Variants in TREML1 observed in about 807,000 individuals in gnomAD.
TREML1 encodes trem-like transcript 1 protein.
In TREML1, 27 loss-of-function variants were observed where a neutral mutation model predicts 22.8. The observed-to-expected ratio is 1.19, with a 90% confidence interval of 0.87 to 1.64. The LOEUF is 1.64. Among genes scored for constraint, TREML1 ranks in the 40% most tolerant of loss-of-function variants. The pLI, the probability that TREML1 is intolerant of heterozygous loss-of-function variation, is 0.00. For missense variants in TREML1, 356 were observed against 382.0 expected (o/e 0.93, Z 0.57); for synonymous variants, 153 against 161.9 (o/e 0.94, Z 0.42).
In TREML1 at chr6:41,150,892, C is replaced by T. The variant is rs949397008; in HGVS notation, c.495G>A (p.Trp165Ter). The T allele has an allele frequency of 1.9e-6, 3 of 1,613,940 alleles. No individual in the cohort carries two copies. Among genetic ancestry groups the T allele is most frequent in the African/African-American group, 1.3e-5 (1 of 74,906 alleles). Reference sequence around the variant, plus strand: ...GCAGACCTACCAGGAGCACAGCACCCCAGATCAAGGGGATGCTGAGGAACA... The same window carrying T: ...GCAGACCTACCAGGAGCACAGCACCTCAGATCAAGGGGATGCTGAGGAACA... Reference protein sequence around the residue: ...SQDEKSIPLIWGAVLLVGLLV... With the variant: ...SQDEKSIPLI Residue 165 changes from tryptophan to a stop codon, truncating the protein, a stop_gained, in exon 4 of 6, where the codon TGG becomes TGA. Coordinates refer to ENST00000426005, the MANE Select transcript of TREML1 (RefSeq NM_178174.4). LOFTEE classifies it high-confidence loss of function.
chr6:41,153,884 C>A lies in TREML1; in HGVS notation c.250G>T (p.Gly84Trp). Reference sequence around the variant, plus strand: ...ACCATTTCCACCTGCAGCAGGCCCCCACCCAGGTCTGTGAGAAACGTACGC... The same window carrying A: ...ACCATTTCCACCTGCAGCAGGCCCCAACCCAGGTCTGTGAGAAACGTACGC... ...GRRTFLTDLGGGLLQVEMVTL... is the reference protein window; with the variant it reads ...GRRTFLTDLGWGLLQVEMVTL... The change falls in exon 2 of 6, where the codon GGG becomes TGG. Residue 84 changes from glycine (G) to tryptophan (W), a missense_variant. Coordinates refer to ENST00000426005, the MANE Select transcript of TREML1 (RefSeq NM_178174.4). The A allele has an allele frequency of 1.9e-6, 3 of 1,614,232 alleles. No individual in the cohort carries two copies. The highest frequency in any genetic ancestry group is 1.7e-6 in the Non-Finnish European group (2 of 1,180,038).
At chr6:41,153,325 G>A (rs920366223) in intron 2 of TREML1, among the ~76,000 whole-genome samples, 3 of 148,988 alleles carry the variant, frequency 2.0e-5, no homozygotes, top group African/African-American at 5.0e-5. Flanking sequence ...ATTAATTAAG[G>A]TATGAATTCC....
At position 41,151,376 on chromosome 6, in the gene TREML1, C is replaced by A. The variant is rs983499372; in HGVS notation, c.385G>T (p.Glu129Ter). 1 of 1,614,134 alleles carries A rather than the reference C, an allele frequency of 6.2e-7. No homozygotes were observed. Residue 129 changes from glutamate to a stop codon, truncating the protein, a stop_gained, in exon 3 of 6, where the codon GAA (glutamate) becomes TAA (stop). Coordinates refer to ENST00000426005, the MANE Select transcript of TREML1 (RefSeq NM_178174.4). LOFTEE classifies it high-confidence loss of function. Reference sequence around the variant, plus strand: ...AGACTGCCAATCTTATGGGTCTCTTCTTCTTCCTCTGTCAGGCCAGGAATG... The same window carrying A: ...AGACTGCCAATCTTATGGGTCTCTTATTCTTCCTCTGTCAGGCCAGGAATG... ...SLNILPPEEE[E>*]ETHKIGSLAE...
Position 41,154,060 on chromosome 6 carries a change from A to G in TREML1, c.74T>C (p.Val25Ala). The change falls in exon 2 of 6, where the codon GTG becomes GCG. Residue 25 changes from valine (V) to alanine (A), a missense_variant. By Grantham distance (64) the Val-to-Ala change is moderately conservative (BLOSUM62 0). Transcript: ENST00000426005. ...GQGIVGSLPE[V>A]LQAPVGSSIL... Reference sequence around the variant, plus strand: ...GGAGCTTCCCACGGGTGCCTGCAGCACCTCAGGGAGGCTGCCAACTATGCC... The same window carrying G: ...GGAGCTTCCCACGGGTGCCTGCAGCGCCTCAGGGAGGCTGCCAACTATGCC... The G allele has an allele frequency of 6.2e-7, 1 of 1,613,646 alleles. No homozygotes were observed.
chr6:41,150,391 A>C, intron 4 of TREML1, 78 bp from the exon 5 acceptor site: 1 of 1,432,732 alleles, frequency 7.0e-7, no homozygotes, highest in Non-Finnish European at 9.7e-7. Context: ...TTCCTTCAGA[A>C]GCCTCTGAAA....
chr6:41,153,953 G>C lies in TREML1; in HGVS notation c.181C>G (p.Pro61Ala). The C allele has an allele frequency of 6.2e-7, 1 of 1,614,196 alleles. No individual in the cohort carries two copies. Among genetic ancestry groups the C allele is most frequent in the Non-Finnish European group, 8.5e-7 (1 of 1,180,034 alleles). Reference sequence around the variant, plus strand: ...CGATCCACAGCTGAGGACACCAGGGGCTGGCACCCCTCCGGCAAGAACCGG... The same window carrying C: ...CGATCCACAGCTGAGGACACCAGGGCCTGGCACCCCTCCGGCAAGAACCGG... Reference protein sequence around the residue: ...WCRFLPEGCQPLVSSAVDRRA... With the variant: ...WCRFLPEGCQALVSSAVDRRA... The change falls in exon 2 of 6, where the codon CCC (proline) becomes GCC (alanine). Residue 61 changes from proline to alanine, a missense_variant. Coordinates refer to ENST00000426005, the MANE Select transcript of TREML1 (RefSeq NM_178174.4).
Position 41,149,452 on chromosome 6 carries a change from C to T in TREML1, c.*152G>A, listed in dbSNP as rs938112369. ...CCAAGACATCTCAGTCATGTCTGAGCGTCACTTTCCCTAGTAAAGTTAGGA... is the reference window on the plus strand; with the variant it reads ...CCAAGACATCTCAGTCATGTCTGAGTGTCACTTTCCCTAGTAAAGTTAGGA... On this transcript the variant is annotated 3_prime_UTR_variant, in exon 6 of 6. Coordinates refer to ENST00000426005, the MANE Select transcript of TREML1 (RefSeq NM_178174.4). 9 of 831,574 alleles carry T rather than the reference C, an allele frequency of 1.1e-5. No individual in the cohort carries two copies. Among genetic ancestry groups the T allele is most frequent in the East Asian group, 5.2e-5 (2 of 38,794 alleles). 51.5% of individuals were successfully genotyped at this position (831,574 alleles called of 1,614,324 possible).
At chr6:41,151,533 C>A (rs1765247348) in intron 2 of TREML1, 149 bp from the exon 3 acceptor site, 1 of 653,672 alleles carries the variant, frequency 1.5e-6, no homozygotes, top group African/African-American at 1.8e-5. Flanking sequence ...AAAGGGGAGG[C>A]TGGGATGTTC....
chr6:41,152,035 T>G (rs1765265621), intron 2 of TREML1, among the ~76,000 whole-genome samples: 1 of 152,196 alleles, frequency 6.6e-6, no homozygotes, highest in Non-Finnish European at 1.5e-5. Flanking sequence ...GCTGCAGGAC[T>G]TGGGGTTGGT....
intron 2 of TREML1, among the ~76,000 whole-genome samples, chr6:41,153,420 T>G (rs1173888305): frequency 6.6e-6 from 1 of 151,862 alleles, no homozygotes; most frequent in African/African-American, 2.4e-5. Context: ...TACACTCAGA[T>G]TCAACATTGT....
At position 41,151,289 on chromosome 6, in the gene TREML1, C is replaced by T; in HGVS notation, c.472G>A (p.Glu158Lys). The change falls in exon 3 of 6, where the codon GAG becomes AAG. Residue 158 changes from glutamate (E) to lysine (K), a missense_variant. Transcript: ENST00000426005. ...ATCCAATCCTGTCAGTACCTCTTCT[C>T]ATCCTGGCTGGGTTCCAAAGGGTTG... Reference protein sequence around the residue: ...SANPLEPSQDEKSIPLIWGAV... With the variant: ...SANPLEPSQDKKSIPLIWGAV... 1 of 1,614,202 alleles carries T rather than the reference C, an allele frequency of 6.2e-7. No homozygotes were observed.
Position 41,153,833 on chromosome 6 carries a change from C to T in TREML1, c.301G>A (p.Glu101Lys), listed in dbSNP as rs370662718. Residue 101 changes from glutamate (E) to lysine (K), a missense_variant, in exon 2 of 6, where the codon GAG becomes AAG. Transcript: ENST00000426005. ...MVTLQEEDAG[E>K]YGCMVDGARG... The stretch of plus-strand genomic sequence containing the variant: ...GCCCCATCCACCATGCAGCCATACT[C>T]GCCAGCATCCTCTTCCTGCAGGGTA... The T allele has an allele frequency of 1.2e-5, 20 of 1,614,176 alleles. No homozygotes were observed. Among genetic ancestry groups the T allele is most frequent in the East Asian group, 2.2e-5 (1 of 44,884 alleles).
rs1765195987 is a variant in TREML1, at chr6:41,149,803, G to A, written c.737C>T (p.Thr246Ile). The change falls in exon 6 of 6, where the codon ACC becomes ATC. Residue 246 changes from threonine (T) to isoleucine (I), a missense_variant. Coordinates refer to ENST00000426005, the MANE Select transcript of TREML1 (RefSeq NM_178174.4). ...TGATGGGGAATCAAGAGGTAGGCTG[G>A]TGTAGGTGGTATTGTCAAATGAAGG... is the stretch of plus-strand genomic sequence containing the variant. ...SPPSFDNTTY[T>I]SLPLDSPSGK... is the part of the protein sequence containing the mutation. The A allele has an allele frequency of 6.2e-7, 1 of 1,614,164 alleles. No individual in the cohort carries two copies.
At chr6:41,150,031 G>T in intron 5 of TREML1, 113 bp from the exon 6 acceptor site, 2 of 1,126,196 alleles carry the variant, frequency 1.8e-6, no homozygotes, top group Non-Finnish European at 1.3e-6. Flanking sequence ...ATATCAGTGG[G>T]CAAGAGGGCT....
intron 2 of TREML1, among the ~76,000 whole-genome samples, chr6:41,152,591 G>A (rs1765290954): frequency 1.3e-5 from 2 of 152,154 alleles, no homozygotes; most frequent in African/African-American, 4.8e-5. Context: ...CAAGGGAAGG[G>A]GCCAGGGGTG....
At chr6:41,155,398 T>TCTCTCTCTCTCTCTCTCTCTCTGC (rs1414839435), upstream of TREML1, among the ~76,000 whole-genome samples, 3 of 151,828 alleles carry the variant, frequency 2.0e-5, no homozygotes, top group African/African-American at 7.3e-5. Context: ...TCTCTCTCTC[T>TCTCTCTCTCTCTCTCTCTCTCTGC]CTCTCTCTTC....
intron 2 of TREML1, among the ~76,000 whole-genome samples, chr6:41,152,548 A>G (rs193302220): frequency 9.2e-4 from 140 of 152,256 alleles, no homozygotes; most frequent in African/African-American, 3.1e-3. Context: ...TAATGACAAC[A>G]TAGTCTACCC....
intron 2 of TREML1, among the ~76,000 whole-genome samples, chr6:41,153,057 C>G (rs1295187354): frequency 6.7e-6 from 1 of 149,040 alleles, no homozygotes; most frequent in Non-Finnish European, 1.5e-5. Flanking sequence ...TCCTATCTTT[C>G]TTAAAAAAAA....
Position 41,151,138 on chromosome 6 carries a change from A to G in TREML1, c.479+144T>C. ...GCTGACCCAGGACAGAGAAGTATGTATCTGTCTGTCTGTCTGTCCAGAAGT... is the reference window on the plus strand; with the variant it reads ...GCTGACCCAGGACAGAGAAGTATGTGTCTGTCTGTCTGTCTGTCCAGAAGT... On this transcript the variant is annotated intron_variant, in intron 3 of 5. Transcript: ENST00000426005. 1.6e-5 allele frequency: 12 copies of G among 762,838 alleles called. No homozygotes were observed. The Middle Eastern group carries it at 2.6e-3, about 165-fold the overall frequency. The allele number at this position is 762,838 out of a possible 1,614,324, so 47.3% of individuals were successfully genotyped here.
Sources: gnomAD v4.1 joint callset for allele counts (sites outside exome capture counted in the v4.1 genomes callset) on GRCh38, gnomAD v4.1.1 for gene constraint, MANE v1.5 for transcripts, NCBI Gene and HGNC (gene_info 2026-07-23, HGNC 2026-07-21) for gene names.